The following KPNA6 variants were observed in gnomAD, a reference collection of about 807,000 sequenced individuals.
The protein encoded by KPNA6 is karyopherin subunit alpha 6, also known as importin subunit alpha-7.
KPNA6 carries 9 observed loss-of-function variants against 72.0 expected under a neutral mutation model. The observed-to-expected ratio is 0.13, with a 90% CI of 0.08 to 0.22. The LOEUF (loss-of-function observed/expected upper bound fraction) is 0.22. Ranked by LOEUF, KPNA6 falls within the 10% of genes least tolerant of loss-of-function variation. The pLI is 1.00. For synonymous variants in KPNA6, 219 were observed against 242.1 expected (o/e 0.90, Z 0.89); for missense variants, 374 against 655.7 (o/e 0.57, Z 4.69).
intron 7 of KPNA6, 95 bp downstream of exon 7, chr1:32,160,798 G>GT (rs1180526952): frequency 6.0e-6 from 5 of 838,036 alleles, no homozygotes; most frequent in Non-Finnish European, 8.3e-6. Context: ...AAGATGATAG[G>GT]TAAGTGCAAA....
chr1:32,119,030 A>T (rs1553125742), intron 1 of KPNA6, among the ~76,000 whole-genome samples: 15,067 of 54,994 alleles, frequency 0.27, 2,132 homozygotes, highest in African/African-American at 0.35. Flanking sequence ...ATATATATAT[A>T]TATTTTTTTT....
chr1:32,134,497 C>T (rs2123994841), intron 1 of KPNA6, among the ~76,000 whole-genome samples: 1 of 151,592 alleles, frequency 6.6e-6, no homozygotes, highest in South Asian at 2.1e-4. Context: ...AAAAATTAGC[C>T]AGATGTGGTG....
chr1:32,133,825 A>T (rs953370226), intron 1 of KPNA6, among the ~76,000 whole-genome samples: 9 of 152,170 alleles, frequency 5.9e-5, no homozygotes, highest in Admixed American at 3.3e-4. Context: ...GGATCACTTG[A>T]GGTCAGGAGT....
chr1:32,139,441 C>T (rs191704945), intron 1 of KPNA6, among the ~76,000 whole-genome samples: 41 of 152,134 alleles, frequency 2.7e-4, no homozygotes, highest in Non-Finnish European at 5.3e-4. Context: ...TATTCTTGGC[C>T]AACAATTACT....
At chr1:32,151,764 C>G (rs1400266903) in intron 1 of KPNA6, among the ~76,000 whole-genome samples, 2 of 152,178 alleles carry the variant, frequency 1.3e-5, no homozygotes, top group Non-Finnish European at 2.9e-5. Context: ...AGGGGAAATC[C>G]TATCCCTCTT....
intron 1 of KPNA6, among the ~76,000 whole-genome samples, chr1:32,122,738 C>G (rs918498689): frequency 6.6e-6 from 1 of 152,000 alleles, no homozygotes; most frequent in African/African-American, 2.4e-5. Flanking sequence ...GGCAAATCAC[C>G]TGAGGCCAGG....
At chr1:32,168,882 G>A (rs1642384907) in intron 12 of KPNA6, among the ~76,000 whole-genome samples, 1 of 152,126 alleles carries the variant, frequency 6.6e-6, no homozygotes, top group South Asian at 2.1e-4. Context: ...AGCGAATTAG[G>A]GAGCCTGTGA....
chr1:32,161,165 T>C (rs1642230909), intron 7 of KPNA6, among the ~76,000 whole-genome samples: 1 of 151,664 alleles, frequency 6.6e-6, no homozygotes, highest in African/African-American at 2.4e-5. Flanking sequence ...AAAAAAAGAT[T>C]GTGCCACCCA....
At chr1:32,137,211 C>G (rs1409042403) in intron 1 of KPNA6, among the ~76,000 whole-genome samples, 1 of 152,096 alleles carries the variant, frequency 6.6e-6, no homozygotes, top group Non-Finnish European at 1.5e-5. Flanking sequence ...GGGTCTTGCT[C>G]TGTCACCCAA....
intron 1 of KPNA6, among the ~76,000 whole-genome samples, chr1:32,142,351 A>G (rs74064038): frequency 0.021 from 3,122 of 151,566 alleles, 109 homozygotes; most frequent in African/African-American, 0.07. Flanking sequence ...TCATGTTCAC[A>G]TGCTGTTCTC....
intron 1 of KPNA6, among the ~76,000 whole-genome samples, chr1:32,123,257 C>T (rs779449443): frequency 5.3e-5 from 8 of 151,988 alleles, no homozygotes; most frequent in Non-Finnish European, 1.0e-4. Flanking sequence ...TGTTTCCGGG[C>T]GTGGTGTTTC....
chr1:32,138,755 T>A (rs1029402609), intron 1 of KPNA6, among the ~76,000 whole-genome samples: 1 of 152,002 alleles, frequency 6.6e-6, no homozygotes, highest in African/African-American at 2.4e-5. Flanking sequence ...GTTACTAGAA[T>A]CATGAATAGA....
intron 1 of KPNA6, among the ~76,000 whole-genome samples, chr1:32,127,222 C>T (rs1641552085): frequency 6.6e-6 from 1 of 152,326 alleles, no homozygotes; most frequent in Admixed American, 6.5e-5. Flanking sequence ...GCTTGGAACT[C>T]AGTTCACCTG....
At chr1:32,169,680 G>A (rs1229090530) in intron 12 of KPNA6, among the ~76,000 whole-genome samples, 10 of 148,944 alleles carry the variant, frequency 6.7e-5, no homozygotes, top group African/African-American at 1.2e-4. Flanking sequence ...CAGGATGGTC[G>A]CGATCTCTTG....
At chr1:32,167,695 C>CT (rs1642364216) in intron 12 of KPNA6, among the ~76,000 whole-genome samples, 1 of 152,016 alleles carries the variant, frequency 6.6e-6, no homozygotes, top group Non-Finnish European at 1.5e-5. Flanking sequence ...TAAGAAGACT[C>CT]TGTCTCTACG....
At chr1:32,154,749 T>C in intron 2 of KPNA6, 28 bp downstream of exon 2, 1 of 1,612,150 alleles carries the variant, frequency 6.2e-7, no homozygotes, top group Non-Finnish European at 8.5e-7. Context: ...TTCTCAAACA[T>C]ACTATTCTGG....
chr1:32,109,231 C>T (rs1641200982), intron 1 of KPNA6, among the ~76,000 whole-genome samples: 1 of 152,054 alleles, frequency 6.6e-6, no homozygotes, highest in African/African-American at 2.4e-5. Context: ...TGCAGTGACG[C>T]GATCTCGGCT....
chr1:32,159,079 A>G (rs1642193621), intron 5 of KPNA6, among the ~76,000 whole-genome samples: 1 of 152,232 alleles, frequency 6.6e-6, no homozygotes, highest in Non-Finnish European at 1.5e-5. Context: ...GAAGCTCAGG[A>G]AATAAAAGAG....
Position 32,160,669 on chromosome 1 carries a change from G to C in KPNA6, c.613G>C (p.Val205Leu). Reference sequence around the variant, plus strand: ...AGATAGCTCTGTTTGCCGAGATTACGTCTTGAACTGTTCCATCCTTAATCC... The same window carrying C: ...AGATAGCTCTGTTTGCCGAGATTACCTCTTGAACTGTTCCATCCTTAATCC... ...AGDSSVCRDYVLNCSILNPLL... is the reference protein window; with the variant it reads ...AGDSSVCRDYLLNCSILNPLL... The change falls in exon 7 of 14, where the codon GTC becomes CTC. Residue 205 changes from valine to leucine, a missense_variant. Physicochemically the swap from Val to Leu is conservative, Grantham distance 32 (BLOSUM62 1). Around this residue, in one of 3 missense-constraint regions of KPNA6, gnomAD observed 298 missense variants for 495.4 expected, o/e 0.60. Coordinates refer to ENST00000373625, the MANE Select transcript of KPNA6 (RefSeq NM_012316.5). 8 of 1,613,944 alleles carry C rather than the reference G, an allele frequency of 5.0e-6. No homozygotes were observed. The highest frequency in any genetic ancestry group is 5.1e-6 in the Non-Finnish European group (6 of 1,179,856).
Sources: gnomAD v4.1 joint callset for allele counts (sites outside exome capture counted in the v4.1 genomes callset) on GRCh38, gnomAD v4.1.1 for gene constraint, gnomAD v4.1.1 regional missense constraint, MANE v1.5 for transcripts, NCBI Gene and HGNC (gene_info 2026-07-23, HGNC 2026-07-21) for gene names.